The following GSG1L variants were observed in gnomAD, a reference collection of about 807,000 sequenced individuals.
GSG1L encodes the protein germ cell-specific gene 1-like protein.
In GSG1L, 24 loss-of-function variants were observed where a neutral mutation model predicts 42.1. That is an observed-to-expected ratio of 0.57 (90% CI 0.41 to 0.80). The LOEUF (loss-of-function observed/expected upper bound fraction) is 0.80, where lower values mean the gene tolerates loss of function less well. GSG1L is among the 30% of genes least tolerant of loss of function. The pLI is 0.00. For synonymous variants in GSG1L, 215 were observed against 203.5 expected (o/e 1.06, Z -0.48); for missense variants, 445 against 472.2 (o/e 0.94, Z 0.53).
At chr16:27,883,062 T>G (rs1188954223) in intron 3 of GSG1L, among the ~76,000 whole-genome samples, 1 of 146,020 alleles carries the variant, frequency 6.8e-6, no homozygotes, top group East Asian at 2.0e-4. Context: ...AAGGCTGCAG[T>G]GAGCCGTGAT....
chr16:27,826,451 T>C (rs16977003), intron 5 of GSG1L, among the ~76,000 whole-genome samples: 33,540 of 151,956 alleles, frequency 0.22, 3,956 homozygotes, highest in African/African-American at 0.31. Context: ...CACTGAAAGG[T>C]GTTAATGCCC....
At chr16:27,859,497 G>T (rs1411892587) in intron 3 of GSG1L, among the ~76,000 whole-genome samples, 1 of 152,192 alleles carries the variant, frequency 6.6e-6, no homozygotes, top group African/African-American at 2.4e-5. Context: ...GCAAATATAG[G>T]GGCAGAGAGG....
At chr16:27,957,774 A>T (rs74781262) in intron 2 of GSG1L, among the ~76,000 whole-genome samples, 1,733 of 152,318 alleles carry the variant, frequency 0.011, 35 homozygotes, top group African/African-American at 0.04. Context: ...TTTGGCTCAC[A>T]ATTCTGCAGG....
At chr16:27,870,699 C>A (rs1359942416) in intron 3 of GSG1L, among the ~76,000 whole-genome samples, 4 of 151,598 alleles carry the variant, frequency 2.6e-5, no homozygotes, top group Non-Finnish European at 4.4e-5. Flanking sequence ...CTTCAATGCT[C>A]TTGCCCTCAT....
intron 3 of GSG1L, among the ~76,000 whole-genome samples, chr16:27,871,500 G>C (rs1046437797): frequency 7.2e-5 from 11 of 152,114 alleles, no homozygotes; most frequent in African/African-American, 2.7e-4. Context: ...ACAATAGCCA[G>C]GTGTGGTGGC....
At chr16:27,813,358 A>AT (rs1187690747) in intron 5 of GSG1L, among the ~76,000 whole-genome samples, 2 of 152,188 alleles carry the variant, frequency 1.3e-5, no homozygotes, top group African/African-American at 4.8e-5. Flanking sequence ...TTTGCTAAGG[A>AT]TAATGGCCTC....
At chr16:27,915,053 G>A (rs1397755057) in intron 2 of GSG1L, among the ~76,000 whole-genome samples, 1 of 152,072 alleles carries the variant, frequency 6.6e-6, no homozygotes, top group East Asian at 1.9e-4. Context: ...AACCAAGAAA[G>A]GAACAAATGG....
In GSG1L at chr16:27,884,952, C is replaced by T. The variant is rs952655196; in HGVS notation, c.398-314G>A. Among the ~76,000 whole-genome samples, 2 of 152,062 alleles carry T rather than the reference C, an allele frequency of 1.3e-5. No homozygotes were observed. Among genetic ancestry groups the T allele is most frequent in the Non-Finnish European group, 2.9e-5 (2 of 68,018 alleles). On this transcript the variant is annotated intron_variant, in intron 2 of 6. Transcript: ENST00000447459. The surrounding 1 kb of genome is among the most constrained non-coding windows in gnomAD (Gnocchi z 4.4). The stretch of plus-strand genomic sequence containing the variant: ...ACCACTGAGAGCCAGCTTGCCGCCA[C>T]CAGTTTAGGGTGAAGCTGACACTGT...
Position 27,833,315 on chromosome 16 carries a change from T to G in GSG1L, c.663-4359A>C, listed in dbSNP as rs141894099. Among the ~76,000 whole-genome samples the G allele has an allele frequency of 5.4e-3, 823 of 152,278 alleles. 8 individuals are homozygous for G. The highest frequency in any genetic ancestry group is 0.019 in the African/African-American group (795 of 41,548). ...TTAGTTGGGCATATCTGTATTGGTC[T>G]ATTTCTGAGTTCTCTATTTTTTTTT... On this transcript the variant is annotated intron_variant, in intron 4 of 6. Coordinates refer to ENST00000447459, the MANE Select transcript of GSG1L (RefSeq NM_001109763.2).
At chr16:28,028,871 G>A (rs2085927200) in intron 1 of GSG1L, among the ~76,000 whole-genome samples, 1 of 152,226 alleles carries the variant, frequency 6.6e-6, no homozygotes, top group South Asian at 2.1e-4. Context: ...CAGAAAGGCA[G>A]TGGCTAGAGA....
chr16:27,953,637 G>A (rs376654989), intron 2 of GSG1L, among the ~76,000 whole-genome samples: 1 of 152,148 alleles, frequency 6.6e-6, no homozygotes, highest in Admixed American at 6.5e-5. Flanking sequence ...CCAGCACTTT[G>A]GGAGGCCAAG....
chr16:27,892,423 T>C (rs1374371838), intron 2 of GSG1L, among the ~76,000 whole-genome samples: 1 of 151,934 alleles, frequency 6.6e-6, no homozygotes, highest in Non-Finnish European at 1.5e-5. Flanking sequence ...GTCGCTGCAC[T>C]CTAGCCTGGA....
chr16:27,828,106 CACTCACCTAT>C (rs1280624839), intron 5 of GSG1L, among the ~76,000 whole-genome samples: 1 of 152,098 alleles, frequency 6.6e-6, no homozygotes, highest in Non-Finnish European at 1.5e-5. Flanking sequence ...CCCATCCACT[CACTCACCTAT>C]TGATCCATCC....
At chr16:27,867,785 TCCTGAGGCCACGCCC>T (rs11270819) in intron 3 of GSG1L, among the ~76,000 whole-genome samples, 6,127 of 147,416 alleles carry the variant, frequency 0.042, 380 homozygotes, top group African/African-American at 0.13. Context: ...CTCGGCTTCC[TCCTGAGGCCACGCCC>T]CCTGAGGCCA....
chr16:27,997,856 CTT>C lies in GSG1L; in HGVS notation c.350-34655_350-34654del, dbSNP rs35354576. Among the ~76,000 whole-genome samples, 235 of 85,112 alleles carry C rather than the reference CTT, an allele frequency of 2.8e-3. 3 individuals are homozygous for C. Among genetic ancestry groups the C allele is most frequent in the East Asian group, 0.027 (66 of 2,440 alleles). The allele number at this position is 85,112 out of a possible 152,430, so 55.8% of individuals were successfully genotyped here. ...CCCTCACTCCCTCCCACCCTCTCCA[CTT>C]TTTTTTTTTTTTTTTTTTTGAGATA... On this transcript the variant is annotated intron_variant, in intron 1 of 6. Coordinates refer to ENST00000447459, the MANE Select transcript of GSG1L (RefSeq NM_001109763.2).
intron 5 of GSG1L, among the ~76,000 whole-genome samples, chr16:27,821,345 G>A: frequency 6.6e-6 from 1 of 151,790 alleles, no homozygotes; most frequent in Middle Eastern, 3.2e-3. Flanking sequence ...TGGGTGCATT[G>A]CATGATGCTG....
intron 1 of GSG1L, among the ~76,000 whole-genome samples, chr16:27,980,797 G>C (rs576728132): frequency 6.6e-6 from 1 of 151,514 alleles, no homozygotes; most frequent in African/African-American, 2.4e-5. Context: ...CAGAAGAACC[G>C]CTTGAACCTG....
chr16:28,003,737 T>C (rs1214492168), intron 1 of GSG1L, among the ~76,000 whole-genome samples: 3 of 152,078 alleles, frequency 2.0e-5, no homozygotes, highest in African/African-American at 7.2e-5. Flanking sequence ...CTCCATCCTG[T>C]CTCCATCTCA....
chr16:27,891,453 T>A (rs2084125234), intron 2 of GSG1L, among the ~76,000 whole-genome samples: 1 of 151,548 alleles, frequency 6.6e-6, no homozygotes, highest in South Asian at 2.1e-4. Context: ...AACTTTTTTT[T>A]ATTATTTGTT....
Sources: allele counts gnomAD v4.1 joint callset (sites outside exome capture counted in the v4.1 genomes callset), GRCh38; gene constraint gnomAD v4.1.1; non-coding constraint Gnocchi (gnomAD v3.1); transcripts MANE v1.5; gene names NCBI Gene and HGNC (gene_info 2026-07-23, HGNC 2026-07-21).